Variants in IAH1 observed in about 807,000 individuals in gnomAD.
The protein encoded by IAH1 is isoamyl acetate-hydrolyzing esterase 1 homolog.
IAH1 carries 24 observed loss-of-function variants against 26.7 expected under a neutral mutation model. The ratio of observed to expected loss-of-function variants is 0.90; its 90% CI spans 0.65 to 1.26. The LOEUF (loss-of-function observed/expected upper bound fraction) is 1.26. IAH1 is among the 50% of genes most tolerant of loss of function. The pLI is 0.00. For missense variants in IAH1, 300 were observed against 299.9 expected (o/e 1.00, Z 0.00); for synonymous variants, 140 against 118.5 (o/e 1.18, Z -1.18).
At chr2:9,493,642 C>T (rs1662334860), downstream of IAH1, 1 of 935,824 alleles carries the variant, frequency 1.1e-6, no homozygotes, top group Non-Finnish European at 1.6e-6. Flanking sequence ...AATAGTTCCA[C>T]CTTCTACTGC....
chr2:9,494,918 AAGG>A (rs1662453835), intron 6 of IAH1: 2 of 898,264 alleles, frequency 2.2e-6, no homozygotes, highest in Admixed American at 6.2e-5. Flanking sequence ...AGCCCCCACC[AAGG>A]AGTAGTTTCT....
chr2:9,501,681 T>C, the IAH1 span, among the ~76,000 whole-genome samples: 4 of 152,226 alleles, frequency 2.6e-5, no homozygotes. Context: ...AGTGCATAGA[T>C]TCATGATAAC....
intron 4 of IAH1, among the ~76,000 whole-genome samples, chr2:9,483,986 C>T (rs183071833): frequency 7.9e-5 from 12 of 152,316 alleles, no homozygotes; most frequent in African/African-American, 2.6e-4. Context: ...TGCTGTGTTG[C>T]GGTCCAGCTG....
At chr2:9,494,784 G>C in exon 6 of IAH1, 1 of 1,613,128 alleles carries the variant, frequency 6.2e-7, no homozygotes, top group Non-Finnish European at 8.5e-7. Context: ...CAGAGAACAC[G>C]CATTGACAGC....
chr2:9,487,870 A>G (rs1004958642), intron 5 of IAH1, among the ~76,000 whole-genome samples: 6 of 147,408 alleles, frequency 4.1e-5, no homozygotes, highest in South Asian at 2.2e-4. Flanking sequence ...GAGACAGTCT[A>G]TCACCCAGGC....
chr2:9,480,868 G>A (rs1661129176), intron 3 of IAH1: 1 of 159,574 alleles, frequency 6.3e-6, no homozygotes, highest in Non-Finnish European at 1.4e-5. Flanking sequence ...TTCAGTCCTA[G>A]GAGGGAGACC....
At chr2:9,475,869 G>A (rs1243840854) in intron 1 of IAH1, 118 bp from the exon 2 acceptor site, 2 of 802,774 alleles carry the variant, frequency 2.5e-6, no homozygotes, top group Non-Finnish European at 2.1e-6. Flanking sequence ...CTCCTGGAGT[G>A]AAGCAATCAA....
the IAH1 span, chr2:9,505,263 C>A: frequency 1.9e-6 from 3 of 1,614,188 alleles, no homozygotes; most frequent in Non-Finnish European, 2.5e-6. Flanking sequence ...CCTTCATCCA[C>A]CCTCGAGTTC....
intron 2 of IAH1, among the ~76,000 whole-genome samples, chr2:9,477,602 C>T (rs1200292963): frequency 6.6e-6 from 1 of 151,704 alleles, no homozygotes. Flanking sequence ...GGAAGGAGCA[C>T]AGCGTGCCCA....
chr2:9,501,295 C>T (rs1316648378), downstream of IAH1, among the ~76,000 whole-genome samples: 2 of 152,124 alleles, frequency 1.3e-5, no homozygotes, highest in African/African-American at 4.8e-5. Flanking sequence ...ACTCATCATG[C>T]TAATAGGACA....
Position 9,475,335 on chromosome 2 carries a change from C to CAT in IAH1, c.82-649_82-648dup, listed in dbSNP as rs1293212953. The CAT allele has an allele frequency of 4.7e-5, 27 of 573,920 alleles. No homozygotes were observed. In the Admixed American group the frequency reaches 6.3e-4, roughly 13 times the overall value. 35.6% of individuals were successfully genotyped at this position (573,920 alleles called of 1,614,324 possible). On this transcript the variant is annotated intron_variant, in intron 1 of 5. Coordinates refer to ENST00000497473, the MANE Select transcript of IAH1 (RefSeq NM_001039613.3). Reference sequence around the variant, plus strand: ...AGTAACTGGTAACATTATGTTTAGGCATATGGGGCAGTCAGAGCTGCCGAA... The same window carrying CAT: ...AGTAACTGGTAACATTATGTTTAGGCATATATGGGGCAGTCAGAGCTGCCGAA...
intron 4 of IAH1, among the ~76,000 whole-genome samples, chr2:9,483,444 AG>A (rs373671400): frequency 9.5e-4 from 144 of 152,294 alleles, no homozygotes; most frequent in African/African-American, 3.2e-3. Flanking sequence ...TGGGGTAGCT[AG>A]TTATAATCTA....
chr2:9,481,403 C>T lies in IAH1; in HGVS notation c.401C>T (p.Thr134Ile), dbSNP rs1661163619. The T allele has an allele frequency of 1.2e-6, 2 of 1,614,040 alleles. No individual in the cohort carries two copies. Among genetic ancestry groups the T allele is most frequent in the South Asian group, 2.2e-5 (2 of 91,084 alleles). ...PENRVILITP[T>I]PLCETAWEEQ... ...AATCGAGTCATTCTCATCACGCCGA[C>T]CCCACTTTGTGAAACAGCCTGGGAA... The change falls in exon 4 of 6, where the codon ACC (threonine) becomes ATC (isoleucine). Residue 134 changes from threonine to isoleucine, a missense_variant. By Grantham distance (89) the Thr-to-Ile change is moderately conservative. Coordinates refer to ENST00000497473, the MANE Select transcript of IAH1 (RefSeq NM_001039613.3).
chr2:9,511,556 T>A, the IAH1 span, among the ~76,000 whole-genome samples: 1 of 152,202 alleles, frequency 6.6e-6, no homozygotes, highest in Non-Finnish European at 1.5e-5. Context: ...GAGGACTTGG[T>A]TTATTAGAAT....
In IAH1 at chr2:9,487,793, T is replaced by C. The variant is rs575456759; in HGVS notation, c.565-354T>C. Among the ~76,000 whole-genome samples the C allele has an allele frequency of 7.4e-5, 4 of 53,850 alleles. No homozygotes were observed. The South Asian group carries it at 3.7e-3, about 50-fold the overall frequency. The allele number at this position is 53,850 out of a possible 152,430, so 35.3% of individuals were successfully genotyped here. ...ACCCTCCCTCCCCGGCCTTTTTGTG[T>C]GTGTGTGTGTGTGTGTGTGTGTGTG... On this transcript the variant is annotated intron_variant, in intron 5 of 5. Coordinates refer to ENST00000497473, the MANE Select transcript of IAH1 (RefSeq NM_001039613.3).
downstream of IAH1, among the ~76,000 whole-genome samples, chr2:9,498,270 G>A (rs1662767442): frequency 6.6e-6 from 1 of 152,096 alleles, no homozygotes; most frequent in South Asian, 2.1e-4. Flanking sequence ...TGGGCTCAAG[G>A]GATCCTCCCA....
upstream of IAH1, chr2:9,474,467 G>C: frequency 1.7e-6 from 1 of 601,742 alleles, no homozygotes; most frequent in South Asian, 3.0e-5. This position sits in a 1 kb window ranked among gnomAD's most constrained non-coding sequence, Gnocchi z 4.3. Flanking sequence ...CAAAGTGACT[G>C]CGTGGGTGCC....
At chr2:9,483,364 C>T (rs1426186628) in intron 4 of IAH1, among the ~76,000 whole-genome samples, 1 of 152,212 alleles carries the variant, frequency 6.6e-6, no homozygotes, top group Non-Finnish European at 1.5e-5. Flanking sequence ...TTGCCTCAGC[C>T]TCCCAAGTAG....
At chr2:9,478,115 C>T (rs758761972) in intron 2 of IAH1, 107 bp from the exon 3 acceptor site, 62 of 953,798 alleles carry the variant, frequency 6.5e-5, no homozygotes, top group African/African-American at 4.8e-4. Flanking sequence ...CTCAGAGACA[C>T]GTGACGGGTT....
Sources: gnomAD v4.1 joint callset for allele counts (sites outside exome capture counted in the v4.1 genomes callset) on GRCh38, gnomAD v4.1.1 for gene constraint, Gnocchi (gnomAD v3.1) non-coding constraint, MANE v1.5 for transcripts, NCBI Gene and HGNC (gene_info 2026-07-23, HGNC 2026-07-21) for gene names.